The following LRRFIP1 variants were observed in gnomAD, a reference collection of about 807,000 sequenced individuals.
The protein encoded by LRRFIP1 is leucine-rich repeat flightless-interacting protein 1.
Under a neutral mutation model 104.4 loss-of-function variants are expected in LRRFIP1, and 62 were observed. The ratio of observed to expected loss-of-function variants is 0.59; its 90% CI spans 0.48 to 0.73. The LOEUF (loss-of-function observed/expected upper bound fraction) is 0.73. Among genes scored for constraint, LRRFIP1 ranks in the 30% least tolerant of loss-of-function variants. The probability of loss-of-function intolerance (pLI) is 0.00; values close to 1 mark genes in which losing one functional copy is unlikely to be tolerated. For missense variants in LRRFIP1, 796 were observed against 824.5 expected, an observed-to-expected ratio of 0.97 and a Z score of 0.42; for synonymous variants, 300 against 299.0, an observed-to-expected ratio of 1.00 and a Z score of -0.03.
intron 11 of LRRFIP1, among the ~76,000 whole-genome samples, chr2:237,741,395 T>A (rs1576105230): frequency 6.6e-6 from 1 of 152,356 alleles, no homozygotes; most frequent in South Asian, 2.1e-4. Context: ...GGGATCTCTG[T>A]ATTATCTCAT....
intron 1 of LRRFIP1, 145 bp downstream of exon 1, chr2:237,627,885 G>T (rs1329351895): frequency 9.6e-5 from 41 of 428,014 alleles, no homozygotes; most frequent in Non-Finnish European, 1.2e-4. Context: ...GGGCAGGCGC[G>T]CGCCGGGGCG....
intron 1 of LRRFIP1, among the ~76,000 whole-genome samples, chr2:237,688,408 G>C (rs1041772922): frequency 6.6e-6 from 1 of 151,194 alleles, no homozygotes; most frequent in Non-Finnish European, 1.5e-5. Context: ...TTAAGACCCT[G>C]GGCCCCATGC....
intron 1 of LRRFIP1, among the ~76,000 whole-genome samples, chr2:237,643,192 C>T (rs1314700062): frequency 6.6e-6 from 1 of 152,246 alleles, no homozygotes; most frequent in Non-Finnish European, 1.5e-5. Flanking sequence ...GCCACAGGGC[C>T]GCCGCGCACT....
At chr2:237,698,485 A>G (rs1055605726) in intron 1 of LRRFIP1, among the ~76,000 whole-genome samples, 4 of 152,214 alleles carry the variant, frequency 2.6e-5, no homozygotes, top group African/African-American at 9.6e-5. Flanking sequence ...GGCACCCAGC[A>G]TTTCTTGGAC....
chr2:237,686,015 T>C (rs758069929), intron 1 of LRRFIP1, among the ~76,000 whole-genome samples: 9 of 152,214 alleles, frequency 5.9e-5, no homozygotes, highest in African/African-American at 9.7e-5. Flanking sequence ...GTCTCTATTT[T>C]CTGACTCTCT....
At chr2:237,728,241 G>A (rs545017781) in intron 8 of LRRFIP1, among the ~76,000 whole-genome samples, 14 of 152,230 alleles carry the variant, frequency 9.2e-5, no homozygotes, top group Admixed American at 8.5e-4. Flanking sequence ...ATTCCCCTGG[G>A]TGTATGTATA....
chr2:237,740,531 G>A (rs188734665), intron 11 of LRRFIP1, among the ~76,000 whole-genome samples: 22 of 152,244 alleles, frequency 1.4e-4, no homozygotes, highest in Admixed American at 7.2e-4. Context: ...TTTCTGTAAC[G>A]TTCCTAGTAA....
At chr2:237,774,574 C>A in intron 23 of LRRFIP1, 112 bp downstream of exon 23, 1 of 712,940 alleles carries the variant, frequency 1.4e-6, no homozygotes, top group South Asian at 1.8e-5. Context: ...TGGTCATTGT[C>A]AGATCATCCC....
chr2:237,713,538 G>GC (rs1285628895), intron 2 of LRRFIP1, among the ~76,000 whole-genome samples: 1 of 151,848 alleles, frequency 6.6e-6, no homozygotes, highest in African/African-American at 2.4e-5. Context: ...AGTCACATGT[G>GC]TTCCCCCATA....
At chr2:237,754,224 T>G (rs1262414185) in intron 15 of LRRFIP1, among the ~76,000 whole-genome samples, 1 of 151,440 alleles carries the variant, frequency 6.6e-6, no homozygotes, top group Non-Finnish European at 1.5e-5. Context: ...TATCAAAGAT[T>G]TTAAGAAAAT....
chr2:237,731,153 A>G (rs888905056), intron 8 of LRRFIP1, among the ~76,000 whole-genome samples: 2 of 152,218 alleles, frequency 1.3e-5, no homozygotes, highest in Non-Finnish European at 2.9e-5. Flanking sequence ...AAATCAGAAA[A>G]TGAAATCTAT....
intron 1 of LRRFIP1, among the ~76,000 whole-genome samples, chr2:237,631,078 G>C (rs1020509221): frequency 2.1e-4 from 32 of 152,232 alleles, no homozygotes; most frequent in Non-Finnish European, 7.3e-5. Flanking sequence ...CCTGGGACTG[G>C]GGAGAGCCGG....
Position 237,780,672 on chromosome 2 carries a change from A to G in LRRFIP1, c.*1140A>G, listed in dbSNP as rs2061412952. The stretch of plus-strand genomic sequence containing the variant: ...AACTGAGTCAGTATCATCCAAAACC[A>G]TATCTAGTCTTAACACATGGAGAAT... On this transcript the variant is annotated 3_prime_UTR_variant, in exon 24 of 24. Transcript: ENST00000308482. Among the ~76,000 whole-genome samples the G allele has an allele frequency of 6.6e-6, 1 of 152,184 alleles. No individual in the cohort carries two copies. Among genetic ancestry groups the G allele is most frequent in the Non-Finnish European group, 1.5e-5 (1 of 68,026 alleles).
chr2:237,739,568 T>G (rs756060236), intron 11 of LRRFIP1, among the ~76,000 whole-genome samples: 2 of 152,176 alleles, frequency 1.3e-5, no homozygotes, highest in Admixed American at 6.5e-5. Flanking sequence ...TTTTTATGAT[T>G]TAAAAATTTG....
At position 237,710,410 on chromosome 2, in the gene LRRFIP1, A is replaced by G. The variant is rs143021010; in HGVS notation, c.183+1780A>G. ...GCGATTCTCCTGCCTCAGCCTCCTG[A>G]GTAGCTGGGACTACAGGTACCCGCC... On this transcript the variant is annotated intron_variant, in intron 2 of 23. Coordinates refer to ENST00000308482, the MANE Select transcript of LRRFIP1 (RefSeq NM_001137550.2). Among the ~76,000 whole-genome samples, 432 of 151,892 alleles carry G rather than the reference A, an allele frequency of 2.8e-3. 10 individuals carry two copies. The East Asian group carries it at 0.047, about 16-fold the overall frequency.
intron 1 of LRRFIP1, among the ~76,000 whole-genome samples, chr2:237,670,061 A>G (rs1304357051): frequency 1.3e-5 from 2 of 152,362 alleles, no homozygotes; most frequent in African/African-American, 4.8e-5. Flanking sequence ...GGTGGGAGAT[A>G]GTTCTAATTT....
intron 1 of LRRFIP1, among the ~76,000 whole-genome samples, chr2:237,671,788 G>T (rs1352656864): frequency 6.6e-6 from 1 of 151,336 alleles, no homozygotes; most frequent in Non-Finnish European, 1.5e-5. Context: ...ATGCCTGTGT[G>T]TGTGCAGGTG....
intron 15 of LRRFIP1, 78 bp from the exon 16 acceptor site, chr2:237,756,017 T>C (rs2059226792): frequency 2.3e-6 from 2 of 866,134 alleles, no homozygotes; most frequent in Non-Finnish European, 3.8e-6. Flanking sequence ...CCACAGAAAC[T>C]ATAAATCGTG....
At chr2:237,688,907 T>C (rs1348408313) in intron 1 of LRRFIP1, among the ~76,000 whole-genome samples, 2 of 152,000 alleles carry the variant, frequency 1.3e-5, no homozygotes, top group East Asian at 3.9e-4. Context: ...GGGATGAACA[T>C]TTTGTGTATC....
Sources: allele counts gnomAD v4.1 joint callset (sites outside exome capture counted in the v4.1 genomes callset), GRCh38; gene constraint gnomAD v4.1.1; transcripts MANE v1.5; gene names NCBI Gene and HGNC (gene_info 2026-07-23, HGNC 2026-07-21).